GRM7: variants seen among roughly 807,000 people sequenced by gnomAD.
GRM7 encodes glutamate metabotropic receptor 7, also known as metabotropic glutamate receptor 7.
GRM7 carries 35 observed loss-of-function variants against 84.5 expected under a neutral mutation model. The ratio of observed to expected loss-of-function variants is 0.41; its 90% CI spans 0.32 to 0.55. The LOEUF (loss-of-function observed/expected upper bound fraction) is 0.55. Ranked by LOEUF, GRM7 falls within the 20% of genes least tolerant of loss-of-function variation. The probability of loss-of-function intolerance (pLI) is 0.19; values close to 1 mark genes in which losing one functional copy is unlikely to be tolerated. For synonymous variants in GRM7, 487 were observed against 455.1 expected, an observed-to-expected ratio of 1.07 and a Z score of -0.89; for missense variants, 1,003 against 1,194.6, an observed-to-expected ratio of 0.84 and a Z score of 2.36.
At chr3:7,219,958 G>A (rs1349148068) in intron 2 of GRM7, among the ~76,000 whole-genome samples, 2 of 152,106 alleles carry the variant, frequency 1.3e-5, no homozygotes, top group African/African-American at 4.8e-5. Flanking sequence ...CCAACTAAAG[G>A]TTCTTAATGT....
intron 1 of GRM7, among the ~76,000 whole-genome samples, chr3:7,012,810 A>G (rs895724453): frequency 6.6e-6 from 1 of 152,146 alleles, no homozygotes; most frequent in Non-Finnish European, 1.5e-5. Context: ...TCACTATCAT[A>G]GCTTATTGCA....
intron 7 of GRM7, among the ~76,000 whole-genome samples, chr3:7,483,562 G>A (rs560072962): frequency 1.3e-5 from 2 of 152,210 alleles, no homozygotes; most frequent in Non-Finnish European, 2.9e-5. Flanking sequence ...AGGCCAGTCT[G>A]TCTTGGGCCT....
At chr3:7,319,252 A>T (rs573638950) in intron 4 of GRM7, among the ~76,000 whole-genome samples, 1 of 152,170 alleles carries the variant, frequency 6.6e-6, no homozygotes, top group South Asian at 2.1e-4. Context: ...AGCTGAAAAA[A>T]GTAGGCAACA....
intron 1 of GRM7, among the ~76,000 whole-genome samples, chr3:6,915,162 G>A (rs750456019): frequency 4.7e-5 from 7 of 149,824 alleles, no homozygotes; most frequent in African/African-American, 1.3e-4. Flanking sequence ...AAAGAGTCAC[G>A]CTTTTATGAT....
At chr3:7,489,699 CATTG>C (rs1699451830) in intron 7 of GRM7, among the ~76,000 whole-genome samples, 1 of 151,954 alleles carries the variant, frequency 6.6e-6, no homozygotes, top group African/African-American at 2.4e-5. Flanking sequence ...CAATATTATA[CATTG>C]ATTAATTTAT....
intron 1 of GRM7, among the ~76,000 whole-genome samples, chr3:7,117,190 G>A (rs1693064912): frequency 6.6e-6 from 1 of 152,122 alleles, no homozygotes; most frequent in South Asian, 2.1e-4. Flanking sequence ...AAAGAGCCAG[G>A]CCGTTTAATC....
intron 2 of GRM7, among the ~76,000 whole-genome samples, chr3:7,176,229 TAAAAAAAAAAAAAAAAAA>T (rs55732650): frequency 4.8e-5 from 3 of 63,144 alleles, no homozygotes; most frequent in East Asian, 1.0e-3. Flanking sequence ...CTATAAAAAG[TAAAAAAAAAAAAAAAAAA>T]AAAAAAAAAA....
chr3:7,296,147 C>G (rs902944548), intron 2 of GRM7, among the ~76,000 whole-genome samples: 6 of 151,764 alleles, frequency 4.0e-5, no homozygotes, highest in African/African-American at 1.5e-4. Flanking sequence ...TATTAAGGTG[C>G]TCATGGTTTT....
At chr3:7,198,518 T>C (rs1695956808) in intron 2 of GRM7, among the ~76,000 whole-genome samples, 2 of 152,154 alleles carry the variant, frequency 1.3e-5, no homozygotes, top group Non-Finnish European at 2.9e-5. Context: ...GATAAACCCA[T>C]TGTAAGTCTG....
intron 4 of GRM7, among the ~76,000 whole-genome samples, chr3:7,386,661 A>G (rs1019524830): frequency 3.9e-5 from 6 of 152,108 alleles, no homozygotes; most frequent in African/African-American, 1.4e-4. Flanking sequence ...ACATCATCCA[A>G]TTCACCATTA....
chr3:7,582,817 T>G (rs1415567769), intron 8 of GRM7, among the ~76,000 whole-genome samples: 1 of 152,126 alleles, frequency 6.6e-6, no homozygotes, highest in Non-Finnish European at 1.5e-5. Context: ...CTGAGGAATT[T>G]AACAAATTAT....
At chr3:7,129,471 T>G (rs960586377) in intron 1 of GRM7, among the ~76,000 whole-genome samples, 5 of 152,226 alleles carry the variant, frequency 3.3e-5, no homozygotes, top group Non-Finnish European at 7.3e-5. Flanking sequence ...AAAAATTACA[T>G]TTTTAAAAAA....
At chr3:7,038,398 C>T (rs540228272) in intron 1 of GRM7, among the ~76,000 whole-genome samples, 5 of 152,234 alleles carry the variant, frequency 3.3e-5, no homozygotes, top group South Asian at 4.1e-4. Flanking sequence ...TGCTTGATTC[C>T]GCTTTCCCTT....
intron 7 of GRM7, among the ~76,000 whole-genome samples, chr3:7,525,039 C>G (rs1239541): frequency 0.61 from 90,433 of 148,410 alleles, 28,545 homozygotes; most frequent in African/African-American, 0.79. Context: ...ACCACATGTT[C>G]TCACTCATAG....
chr3:7,351,045 A>C (rs1035078399), intron 4 of GRM7, among the ~76,000 whole-genome samples: 29 of 152,108 alleles, frequency 1.9e-4, no homozygotes, highest in African/African-American at 6.8e-4. Flanking sequence ...CTAAAACCCT[A>C]AAACAGTGAG....
chr3:7,646,570 T>C (rs1018206693), intron 8 of GRM7, among the ~76,000 whole-genome samples: 3 of 152,182 alleles, frequency 2.0e-5, no homozygotes, highest in Non-Finnish European at 2.9e-5. Flanking sequence ...TGGTCCTTGT[T>C]AGTGCCATGC....
chr3:7,253,152 A>G (rs994613041), intron 2 of GRM7, among the ~76,000 whole-genome samples: 1 of 151,718 alleles, frequency 6.6e-6, no homozygotes, highest in South Asian at 2.1e-4. Flanking sequence ...GCTCTCCAGC[A>G]CTCTCTATTT....
intron 4 of GRM7, among the ~76,000 whole-genome samples, chr3:7,386,684 A>G (rs1325693342): frequency 2.0e-5 from 3 of 152,284 alleles, no homozygotes; most frequent in East Asian, 1.9e-4. Flanking sequence ...GGGAACCTAT[A>G]CAGATTGCAT....
chr3:7,688,429 G>A lies in GRM7; in HGVS notation c.2698+8134G>A, dbSNP rs532389212. 4.9e-4 allele frequency among the ~76,000 whole-genome samples: 74 copies of A among 151,934 alleles called. No homozygotes were observed. In the South Asian group the frequency reaches 0.013, roughly 26 times the overall value. Reference sequence around the variant, plus strand: ...TCTATTTCTTCCCATCTTTATTTTCGCAATGGTATTCCAAATACAAATAAT... The same window carrying A: ...TCTATTTCTTCCCATCTTTATTTTCACAATGGTATTCCAAATACAAATAAT... On this transcript the variant is annotated intron_variant, in intron 9 of 9. Transcript: ENST00000357716.
Sources: gnomAD v4.1 joint callset for allele counts (sites outside exome capture counted in the v4.1 genomes callset) on GRCh38, gnomAD v4.1.1 for gene constraint, MANE v1.5 for transcripts, NCBI Gene and HGNC (gene_info 2026-07-23, HGNC 2026-07-21) for gene names.